KCNH1: variants seen among roughly 807,000 people sequenced by gnomAD.
The protein encoded by KCNH1 is voltage-gated delayed rectifier potassium channel KCNH1.
KCNH1 carries 27 observed loss-of-function variants against 69.2 expected under a neutral mutation model. That is an observed-to-expected ratio of 0.39 (90% CI 0.29 to 0.54). The LOEUF is 0.54. KCNH1 is among the 20% of genes least tolerant of loss of function. KCNH1 has a pLI of 0.68. For missense variants in KCNH1, 798 were observed against 1,261.6 expected (o/e 0.63, Z 5.57); for synonymous variants, 456 against 487.7 (o/e 0.93, Z 0.86).
intron 5 of KCNH1, among the ~76,000 whole-genome samples, chr1:211,067,092 G>A (rs1338680404): frequency 6.6e-6 from 1 of 152,206 alleles, no homozygotes; most frequent in Non-Finnish European, 1.5e-5. Context: ...AGGCCAGGCT[G>A]GCAGCATGGA....
chr1:210,957,741 G>T (rs1688206625), intron 6 of KCNH1, among the ~76,000 whole-genome samples: 1 of 152,014 alleles, frequency 6.6e-6, no homozygotes, highest in Admixed American at 6.6e-5. Context: ...TGCAACCCAT[G>T]CTTTTTTTGC....
chr1:210,768,225 C>G (rs2102360755), intron 10 of KCNH1, among the ~76,000 whole-genome samples: 1 of 152,212 alleles, frequency 6.6e-6, no homozygotes, highest in Non-Finnish European at 1.5e-5. Context: ...TCTTCTTTAT[C>G]ATAATTATAG....
chr1:210,879,921 T>C (rs901920652), intron 7 of KCNH1, among the ~76,000 whole-genome samples: 5 of 152,118 alleles, frequency 3.3e-5, no homozygotes, highest in African/African-American at 1.2e-4. Context: ...GGTTAATACA[T>C]AAAAATTACT....
chr1:210,960,612 C>T (rs910708847), intron 6 of KCNH1, among the ~76,000 whole-genome samples: 6 of 152,182 alleles, frequency 3.9e-5, no homozygotes, highest in Non-Finnish European at 7.3e-5. Flanking sequence ...CTTTGTATTG[C>T]TGAGTAGTAG....
intron 7 of KCNH1, among the ~76,000 whole-genome samples, chr1:210,841,564 T>C (rs1039761190): frequency 2.0e-5 from 3 of 152,316 alleles, no homozygotes; most frequent in Non-Finnish European, 4.4e-5. Flanking sequence ...GACATGTTTC[T>C]CTCAGCCACC....
At position 210,683,221 on chromosome 1, in the gene KCNH1, G is replaced by T; in HGVS notation, c.*60C>A. On this transcript the variant is annotated 3_prime_UTR_variant, in exon 11 of 11. Transcript: ENST00000271751. This position sits in a 1 kb window ranked among gnomAD's most constrained non-coding sequence, Gnocchi z 5.7. ...TGGTCATGTGGACATATGTGGTAGG[G>T]GTGGTGGTGACGGCAGGGTTGGAGG... is the stretch of plus-strand genomic sequence containing the variant. 6.7e-7 allele frequency: 1 copy of T among 1,498,016 alleles called. No homozygotes were observed. The highest frequency in any genetic ancestry group is 1.2e-5 in the South Asian group (1 of 80,040). 92.8% of individuals were successfully genotyped at this position (1,498,016 alleles called of 1,614,324 possible). A position where few individuals can be genotyped will look rare whatever the true frequency, so the allele number is the denominator to read the frequency against.
At chr1:211,110,786 G>C (rs4951506) in intron 1 of KCNH1, among the ~76,000 whole-genome samples, 8,727 of 152,176 alleles carry the variant, frequency 0.057, 431 homozygotes, top group East Asian at 0.17. Flanking sequence ...ATTATATTAG[G>C]AGGAGGGGTA....
intron 10 of KCNH1, among the ~76,000 whole-genome samples, chr1:210,758,012 G>C (rs934635936): frequency 4.6e-5 from 7 of 152,180 alleles, no homozygotes; most frequent in African/African-American, 1.7e-4. Flanking sequence ...AGCTCTACTA[G>C]GACAGAGAAA....
At chr1:210,861,076 A>C (rs1216160953) in intron 7 of KCNH1, 1 of 909,392 alleles carries the variant, frequency 1.1e-6, no homozygotes, top group South Asian at 1.4e-5. Flanking sequence ...TCCTCTTACT[A>C]TGGGCTGTAA....
chr1:210,889,456 T>C (rs114538424), intron 7 of KCNH1, among the ~76,000 whole-genome samples: 3,455 of 152,310 alleles, frequency 0.023, 50 homozygotes, highest in Middle Eastern at 0.058. Flanking sequence ...TCCTACTGAA[T>C]GGGCAGAAGC....
intron 6 of KCNH1, among the ~76,000 whole-genome samples, chr1:211,016,964 C>T (rs866739420): frequency 6.0e-5 from 9 of 148,870 alleles, no homozygotes; most frequent in Admixed American, 5.4e-4. Flanking sequence ...AGAACCCCAA[C>T]GTTCATATTA....
chr1:211,120,357 T>C (rs962360351), intron 1 of KCNH1, among the ~76,000 whole-genome samples: 2 of 151,872 alleles, frequency 1.3e-5, no homozygotes, highest in South Asian at 2.1e-4. Context: ...GCCCAACTAA[T>C]TTTTATATTT....
chr1:210,947,147 G>C (rs1687972632), intron 6 of KCNH1, among the ~76,000 whole-genome samples: 1 of 152,198 alleles, frequency 6.6e-6, no homozygotes, highest in Non-Finnish European at 1.5e-5. Context: ...TTGGAAATTA[G>C]ATCGACCTCT....
intron 7 of KCNH1, among the ~76,000 whole-genome samples, chr1:210,823,779 T>C (rs1254756748): frequency 6.6e-6 from 1 of 152,142 alleles, no homozygotes; most frequent in Admixed American, 6.6e-5. Context: ...AGCAACCAAG[T>C]GGTAGAGCCA....
intron 6 of KCNH1, among the ~76,000 whole-genome samples, chr1:210,955,868 T>G (rs2102350730): frequency 6.6e-6 from 1 of 152,340 alleles, no homozygotes; most frequent in South Asian, 2.1e-4. Context: ...TTTGACTTCC[T>G]CTTTTCCTAA....
chr1:211,050,757 T>C (rs1690190724), intron 5 of KCNH1, among the ~76,000 whole-genome samples: 2 of 152,134 alleles, frequency 1.3e-5, no homozygotes, highest in South Asian at 4.2e-4. Flanking sequence ...TCATGAATAG[T>C]TTTCCATTAT....
intron 10 of KCNH1, among the ~76,000 whole-genome samples, chr1:210,723,723 C>T (rs941476778): frequency 1.3e-5 from 2 of 152,182 alleles, no homozygotes; most frequent in South Asian, 4.1e-4. Flanking sequence ...TACCAAAAAA[C>T]CCCAACAATT....
chr1:210,999,683 A>C (rs1689130120), intron 6 of KCNH1, among the ~76,000 whole-genome samples: 1 of 152,216 alleles, frequency 6.6e-6, no homozygotes, highest in Non-Finnish European at 1.5e-5. Flanking sequence ...CATCATCCTC[A>C]TACCAAAGCC....
intron 5 of KCNH1, among the ~76,000 whole-genome samples, chr1:211,056,931 T>G (rs762965394): frequency 7.9e-5 from 12 of 151,920 alleles, no homozygotes; most frequent in Admixed American, 2.6e-4. Flanking sequence ...GAAAGATGGG[T>G]TCAAACTGCA....
Sources: allele counts gnomAD v4.1 joint callset (sites outside exome capture counted in the v4.1 genomes callset), GRCh38; gene constraint gnomAD v4.1.1; non-coding constraint Gnocchi (gnomAD v3.1); transcripts MANE v1.5; gene names NCBI Gene and HGNC (gene_info 2026-07-23, HGNC 2026-07-21).